The following DMTN variants were observed in gnomAD, a reference collection of about 807,000 sequenced individuals.
The protein encoded by DMTN is dematin.
Under a neutral mutation model 59.4 loss-of-function variants are expected in DMTN, and 27 were observed. The ratio of observed to expected loss-of-function variants is 0.45; its 90% confidence interval spans 0.33 to 0.63. DMTN has a LOEUF of 0.63. DMTN is among the 20% of genes least tolerant of loss of function. The probability of loss-of-function intolerance (pLI) is 0.02; values close to 1 mark genes in which losing one functional copy is unlikely to be tolerated. For missense variants in DMTN, 451 were observed against 528.9 expected, an observed-to-expected ratio of 0.85 and a Z score of 1.45; for synonymous variants, 221 against 203.7, an observed-to-expected ratio of 1.08 and a Z score of -0.72.
At chr8:22,063,509 C>G (rs951650993) in intron 1 of DMTN, among the ~76,000 whole-genome samples, 2 of 152,186 alleles carry the variant, frequency 1.3e-5, no homozygotes, top group African/African-American at 4.8e-5. Flanking sequence ...TAACCCTAGG[C>G]TGGGTTCAGG....
intron 10 of DMTN, among the ~76,000 whole-genome samples, chr8:22,079,295 TATATATTA>T (rs1190078203): frequency 1.5e-4 from 12 of 81,854 alleles, no homozygotes; most frequent in African/African-American, 2.4e-4. Flanking sequence ...TATATATATA[TATATATTA>T]GCTGGGTTTG....
chr8:22,069,557 T>C (rs529582238), intron 6 of DMTN, 39 bp downstream of exon 6: 7 of 1,520,686 alleles, frequency 4.6e-6, no homozygotes, highest in Non-Finnish European at 6.3e-6. Flanking sequence ...TTCCTAAGAC[T>C]TTCTCCATCA....
At chr8:22,080,928 G>A in intron 14 of DMTN, 58 bp downstream of exon 14, 33 of 1,522,928 alleles carry the variant, frequency 2.2e-5, no homozygotes, top group Non-Finnish European at 2.7e-5. Context: ...GAGATGCCAG[G>A]CAAGTGGAAT....
intron 1 of DMTN, among the ~76,000 whole-genome samples, chr8:22,062,049 C>A (rs1390205917): frequency 6.6e-6 from 1 of 152,114 alleles, no homozygotes; most frequent in Non-Finnish European, 1.5e-5. Flanking sequence ...AGCCTCTGTA[C>A]CTGGCCACCA....
intron 5 of DMTN, 30 bp downstream of exon 5, chr8:22,069,090 C>G: frequency 1.9e-6 from 3 of 1,605,514 alleles, no homozygotes; most frequent in Non-Finnish European, 2.6e-6. Flanking sequence ...GCAACTTGCC[C>G]TGCCCTGCCC....
At position 22,063,760 on chromosome 8, in the gene DMTN, C is replaced by T. The variant is rs149986646; in HGVS notation, c.-171-2945C>T. 4.7e-4 allele frequency among the ~76,000 whole-genome samples: 71 copies of T among 152,324 alleles called. 1 individual carries two copies. In the East Asian group the frequency reaches 0.013, roughly 28 times the overall value. ...CCTCTTCCTCCAATAAACCCTTTCC[C>T]CTCTCTTGACACCCCAGCAGGAGGA... is the stretch of plus-strand genomic sequence containing the variant. On this transcript the variant is annotated intron_variant, in intron 1 of 15. Coordinates refer to ENST00000358242, the MANE Select transcript of DMTN (RefSeq NM_001387751.1).
At chr8:22,050,317 C>T (rs539254905), upstream of DMTN, among the ~76,000 whole-genome samples, 61 of 151,778 alleles carry the variant, frequency 4.0e-4, no homozygotes, top group African/African-American at 1.4e-3. Context: ...GGGGAGGAGG[C>T]TGGGAAGGAG....
At chr8:22,080,966 G>A (rs1823883000) in intron 14 of DMTN, 96 bp downstream of exon 14, 1 of 1,489,638 alleles carries the variant, frequency 6.7e-7, no homozygotes, top group Non-Finnish European at 9.1e-7. Flanking sequence ...TGGTGTTGAA[G>A]ATGGGAGGGA....
chr8:22,062,796 C>T (rs1224011493), intron 1 of DMTN, among the ~76,000 whole-genome samples: 1 of 151,886 alleles, frequency 6.6e-6, no homozygotes, highest in African/African-American at 2.4e-5. Context: ...CTCAGCCCCT[C>T]CCTCTATCCC....
intron 14 of DMTN, 21 bp from the exon 15 acceptor site, chr8:22,081,092 T>TGGGGGGGGGGGCGG: frequency 1.3e-6 from 2 of 1,547,318 alleles, no homozygotes; most frequent in Non-Finnish European, 1.8e-6. Flanking sequence ...AGCCTAAGAT[T>TGGGGGGGGGGGCGG]GCCCCTCCCC....
At chr8:22,075,648 A>G (rs112311774) in intron 10 of DMTN, among the ~76,000 whole-genome samples, 1,530 of 150,844 alleles carry the variant, frequency 0.01, 9 homozygotes, top group Non-Finnish European at 0.013. Flanking sequence ...CCTCCCGAGT[A>G]CCTGGGACTA....
At chr8:22,055,982 G>A (rs900475322), upstream of DMTN, among the ~76,000 whole-genome samples, 8 of 152,282 alleles carry the variant, frequency 5.3e-5, no homozygotes, top group East Asian at 1.5e-3. Flanking sequence ...TGGAGGTGGA[G>A]AGGACATTGG....
In DMTN at chr8:22,082,435, C is replaced by A; in HGVS notation, c.*972C>A. On this transcript the variant is annotated 3_prime_UTR_variant, in exon 16 of 16. Transcript: ENST00000358242. Reference sequence around the variant, plus strand: ...TGCCCAGGTCTGGGTATTGCTCCTGCCCAGACCCTGACATCCCTTTCCACT... The same window carrying A: ...TGCCCAGGTCTGGGTATTGCTCCTGACCAGACCCTGACATCCCTTTCCACT... The A allele has an allele frequency of 2.8e-6, 1 of 351,050 alleles. No homozygotes were observed. The highest frequency in any genetic ancestry group is 2.2e-5 in the South Asian group (1 of 46,500). The allele number at this position is 351,050 out of a possible 1,614,324, so 21.7% of individuals were successfully genotyped here.
intron 5 of DMTN, 134 bp from the exon 6 acceptor site, chr8:22,069,285 A>C: frequency 1.1e-6 from 1 of 910,584 alleles, no homozygotes; most frequent in East Asian, 2.7e-5. Flanking sequence ...GAACTGTGCC[A>C]CAACATTGCC....
Position 22,069,118 on chromosome 8 carries a change from C to A in DMTN, c.294+58C>A, listed in dbSNP as rs1178641602. ...CCCTGCCCTGAAGGGGATCCTAACT[C>A]CCTCCCCTCACACATCAGACCAAGC... On this transcript the variant is annotated intron_variant, in intron 5 of 15. Transcript: ENST00000358242. 2.5e-6 allele frequency: 4 copies of A among 1,569,626 alleles called. No homozygotes were observed. In the East Asian group the frequency reaches 9.1e-5, roughly 36 times the overall value.
intron 10 of DMTN, among the ~76,000 whole-genome samples, chr8:22,079,782 A>G (rs1445050551): frequency 2.0e-5 from 3 of 151,264 alleles, no homozygotes; most frequent in East Asian, 1.9e-4. Context: ...TTTTTTTTTT[A>G]GATTTGATTA....
At chr8:22,067,269 C>T in intron 3 of DMTN, 110 bp downstream of exon 3, 4 of 1,253,056 alleles carry the variant, frequency 3.2e-6, no homozygotes, top group East Asian at 2.6e-5. Context: ...GTGGTCCCTC[C>T]GGTGCTGGCG....
chr8:22,080,957 G>A (rs1019512958), intron 14 of DMTN, 87 bp downstream of exon 14: 4 of 1,503,944 alleles, frequency 2.7e-6, no homozygotes, highest in Admixed American at 2.0e-5. Flanking sequence ...GGGTCTTCCT[G>A]GTGTTGAAGA....
At chr8:22,061,070 G>A (rs771134205) in intron 1 of DMTN, among the ~76,000 whole-genome samples, 15 of 151,016 alleles carry the variant, frequency 9.9e-5, no homozygotes, top group Admixed American at 2.0e-4. Flanking sequence ...CCAGGAATTC[G>A]ACACCAGGTT....
Sources: gnomAD v4.1 joint callset for allele counts (sites outside exome capture counted in the v4.1 genomes callset) on GRCh38, gnomAD v4.1.1 for gene constraint, MANE v1.5 for transcripts, NCBI Gene and HGNC (gene_info 2026-07-23, HGNC 2026-07-21) for gene names.